Variants in CCDC178 observed in about 807,000 individuals in gnomAD.
The protein encoded by CCDC178 is coiled-coil domain containing 178.
CCDC178 carries 126 observed loss-of-function variants against 117.4 expected under a neutral mutation model. The observed-to-expected ratio is 1.07, with a 90% CI of 0.93 to 1.24. The LOEUF is 1.24. Among genes scored for constraint, CCDC178 ranks in the 50% most tolerant of loss-of-function variants. CCDC178 has a pLI of 0.00. For synonymous variants in CCDC178, 283 were observed against 313.4 expected (o/e 0.90, Z 1.02); for missense variants, 1,030 against 986.9 (o/e 1.04, Z -0.59).
chr18:33,312,493 A>G (rs2062356576), intron 11 of CCDC178, among the ~76,000 whole-genome samples: 1 of 152,176 alleles, frequency 6.6e-6, no homozygotes, highest in Admixed American at 6.5e-5. Flanking sequence ...ACCCAACATA[A>G]GCAAACTTTT....
At chr18:33,007,528 A>C (rs1251416462) in intron 21 of CCDC178, among the ~76,000 whole-genome samples, 1 of 151,922 alleles carries the variant, frequency 6.6e-6, no homozygotes, top group Admixed American at 6.6e-5. Context: ...GTCATCACTA[A>C]AACCCTCTGC....
intron 21 of CCDC178, among the ~76,000 whole-genome samples, chr18:33,044,191 G>T (rs1021016191): frequency 1.3e-5 from 2 of 151,840 alleles, no homozygotes; most frequent in South Asian, 4.1e-4. Flanking sequence ...ATTTAAGCAA[G>T]GAGATTAAAA....
intron 22 of CCDC178, among the ~76,000 whole-genome samples, chr18:32,957,287 A>C (rs1464928846): frequency 2.6e-5 from 4 of 152,208 alleles, no homozygotes; most frequent in African/African-American, 7.2e-5. Flanking sequence ...CTAGGAGATA[A>C]AAATTTTGAC....
intron 21 of CCDC178, among the ~76,000 whole-genome samples, chr18:32,987,851 A>G (rs561580283): frequency 3.4e-4 from 52 of 152,138 alleles, no homozygotes; most frequent in African/African-American, 1.2e-3. Context: ...TAATCCCAGC[A>G]CTTTGGGAGG....
intron 20 of CCDC178, among the ~76,000 whole-genome samples, chr18:33,156,252 C>G (rs2058395511): frequency 6.6e-6 from 1 of 151,572 alleles, no homozygotes; most frequent in Admixed American, 6.6e-5. Flanking sequence ...CCACGCCCAG[C>G]TAATTTTTTG....
Position 33,233,408 on chromosome 18 carries a change from T to C in CCDC178, c.1594-6553A>G, listed in dbSNP as rs566174817. The stretch of plus-strand genomic sequence containing the variant: ...AACACTTTTTTTCATAAAATAAGTA[T>C]GGGAGGTAAAAGAAGAAAATGTATA... On this transcript the variant is annotated intron_variant, in intron 15 of 22. Transcript: ENST00000383096. Among the ~76,000 whole-genome samples, 7 of 152,174 alleles carry C rather than the reference T, an allele frequency of 4.6e-5. No homozygotes were observed. In the East Asian group the frequency reaches 9.7e-4, roughly 21 times the overall value.
chr18:33,318,307 A>G (rs2062448214), intron 11 of CCDC178, among the ~76,000 whole-genome samples: 2 of 152,194 alleles, frequency 1.3e-5, no homozygotes, highest in African/African-American at 2.4e-5. Flanking sequence ...AGTAAAATGA[A>G]TATCAGGGAG....
chr18:33,386,964 AC>A (rs2063501839), intron 5 of CCDC178, among the ~76,000 whole-genome samples: 1 of 152,010 alleles, frequency 6.6e-6, no homozygotes, highest in Admixed American at 6.6e-5. Context: ...TATCTAGAAA[AC>A]CCCATCGACT....
chr18:32,938,216 A>C (rs530337181), intron 22 of CCDC178, 125 bp from the exon 23 acceptor site: 1 of 666,356 alleles, frequency 1.5e-6, no homozygotes, highest in Admixed American at 2.3e-5. Context: ...ACACCATTAC[A>C]TTCTCCTTTA....
chr18:33,356,274 A>G, intron 7 of CCDC178, 50 bp downstream of exon 7: 1 of 1,436,314 alleles, frequency 7.0e-7, no homozygotes, highest in Non-Finnish European at 9.4e-7. Context: ...GATGATTGAA[A>G]TTTGGACATT....
intron 9 of CCDC178, among the ~76,000 whole-genome samples, chr18:33,337,246 C>A (rs1242950027): frequency 6.6e-6 from 1 of 151,034 alleles, no homozygotes; most frequent in Non-Finnish European, 1.5e-5. Context: ...AATTTTTGTA[C>A]ACAAAATTAT....
At chr18:32,981,938 T>C (rs2055162120) in intron 21 of CCDC178, among the ~76,000 whole-genome samples, 1 of 152,112 alleles carries the variant, frequency 6.6e-6, no homozygotes, top group Non-Finnish European at 1.5e-5. Context: ...AGAATTTGAA[T>C]TTGCTAGTTT....
At chr18:33,181,560 T>C (rs577778214) in intron 20 of CCDC178, among the ~76,000 whole-genome samples, 22 of 152,108 alleles carry the variant, frequency 1.4e-4, no homozygotes, top group Non-Finnish European at 2.8e-4. Flanking sequence ...AAAGGTGTTT[T>C]ATAAAGTTGA....
chr18:32,937,801 C>G lies in CCDC178; in HGVS notation c.*210G>C, dbSNP rs1434199714. On this transcript the variant is annotated 3_prime_UTR_variant, in exon 23 of 23. Transcript: ENST00000383096. The stretch of plus-strand genomic sequence containing the variant: ...CAGTCACCCAGAGCTGAAATTAGAT[C>G]GTTCCTGACAGCAGCATGAAAGTCA... 1 of 503,816 alleles carries G rather than the reference C, an allele frequency of 2.0e-6. No homozygotes were observed. Among genetic ancestry groups the G allele is most frequent in the Non-Finnish European group, 3.5e-6 (1 of 282,088 alleles). 31.2% of individuals were successfully genotyped at this position (503,816 alleles called of 1,614,324 possible).
intron 2 of CCDC178, among the ~76,000 whole-genome samples, chr18:33,437,967 C>G (rs2064314592): frequency 6.6e-6 from 1 of 152,090 alleles, no homozygotes; most frequent in South Asian, 2.1e-4. Context: ...GTGCAAATAT[C>G]AGTTTTCTAA....
chr18:33,216,809 T>A (rs2059171129), intron 18 of CCDC178, among the ~76,000 whole-genome samples: 1 of 151,998 alleles, frequency 6.6e-6, no homozygotes, highest in Non-Finnish European at 1.5e-5. Context: ...TATACTAGAA[T>A]GTAGTGGAAA....
At chr18:33,386,141 G>A (rs561339638) in intron 5 of CCDC178, among the ~76,000 whole-genome samples, 12 of 151,914 alleles carry the variant, frequency 7.9e-5, no homozygotes, top group East Asian at 3.9e-4. Context: ...CTCCCAGGTC[G>A]GGGGGTGAAC....
At chr18:33,427,034 T>C (rs1222282701) in intron 2 of CCDC178, among the ~76,000 whole-genome samples, 2 of 152,146 alleles carry the variant, frequency 1.3e-5, no homozygotes, top group South Asian at 2.1e-4. Flanking sequence ...TAGAAAAGAT[T>C]CATATTTTAT....
intron 22 of CCDC178, chr18:32,958,244 G>T: frequency 1.8e-6 from 1 of 543,646 alleles, no homozygotes; most frequent in Non-Finnish European, 3.4e-6. Context: ...AACATAGTTA[G>T]TGATTATACT....
Sources: allele counts gnomAD v4.1 joint callset (sites outside exome capture counted in the v4.1 genomes callset), GRCh38; gene constraint gnomAD v4.1.1; transcripts MANE v1.5; gene names NCBI Gene and HGNC (gene_info 2026-07-23, HGNC 2026-07-21).